Variants in STAG1 observed in about 807,000 individuals in gnomAD.
STAG1 encodes the protein STAG1 cohesin complex component.
In STAG1, 26 loss-of-function variants were observed where a neutral mutation model predicts 170.9. That is an observed-to-expected ratio of 0.15 (90% CI 0.11 to 0.21). STAG1 has a LOEUF of 0.21. Ranked by LOEUF, STAG1 falls within the 10% of genes least tolerant of loss-of-function variation. The pLI is 1.00. For missense variants in STAG1, 964 were observed against 1,509.5 expected, an observed-to-expected ratio of 0.64 and a Z score of 5.99; for synonymous variants, 514 against 497.7, an observed-to-expected ratio of 1.03 and a Z score of -0.44.
intron 1 of STAG1, among the ~76,000 whole-genome samples, chr3:136,699,907 A>G (rs1159331606): frequency 2.0e-5 from 3 of 152,122 alleles, no homozygotes; most frequent in Non-Finnish European, 2.9e-5. Context: ...AGAAATTAAG[A>G]GCAAGCAGGT....
At chr3:136,697,531 T>C (rs1942935046) in intron 1 of STAG1, among the ~76,000 whole-genome samples, 1 of 152,236 alleles carries the variant, frequency 6.6e-6, no homozygotes, top group Non-Finnish European at 1.5e-5. Context: ...TAGATGATTC[T>C]AATGTGTGGT....
chr3:136,652,776 G>A (rs1286089548), intron 1 of STAG1, among the ~76,000 whole-genome samples: 1 of 152,084 alleles, frequency 6.6e-6, no homozygotes, highest in Non-Finnish European at 1.5e-5. Context: ...ATTCAAAATG[G>A]CAACAAAAAC....
At chr3:136,659,503 T>C (rs1009513320) in intron 1 of STAG1, among the ~76,000 whole-genome samples, 14 of 152,216 alleles carry the variant, frequency 9.2e-5, no homozygotes, top group African/African-American at 1.4e-4. Flanking sequence ...ATACGTGTTA[T>C]GCATTTTAAA....
At chr3:136,566,090 G>A (rs1937066510) in intron 5 of STAG1, among the ~76,000 whole-genome samples, 1 of 152,118 alleles carries the variant, frequency 6.6e-6, no homozygotes, top group Non-Finnish European at 1.5e-5. Context: ...TTAAAGTTTT[G>A]AGAAAAGAGA....
chr3:136,671,312 C>A lies in STAG1; in HGVS notation c.-83-40331G>T, dbSNP rs114727498. Reference sequence around the variant, plus strand: ...AATAAAAAGAAAGCACACACACACACAAAAAATCATACGTGCCATATAGCT... The same window carrying A: ...AATAAAAAGAAAGCACACACACACAAAAAAAATCATACGTGCCATATAGCT... On this transcript the variant is annotated intron_variant, in intron 1 of 33. Transcript: ENST00000383202. Among the ~76,000 whole-genome samples, 677 of 151,952 alleles carry A rather than the reference C, an allele frequency of 4.5e-3. 7 individuals carry two copies. The highest frequency in any genetic ancestry group is 0.013 in the African/African-American group (544 of 41,468).
At chr3:136,508,873 T>C (rs916534954) in intron 7 of STAG1, among the ~76,000 whole-genome samples, 1 of 152,150 alleles carries the variant, frequency 6.6e-6, no homozygotes, top group Non-Finnish European at 1.5e-5. Flanking sequence ...TGTGTGTCTG[T>C]GTGCGCGCGT....
chr3:136,743,726 A>G (rs1205141528), intron 1 of STAG1, among the ~76,000 whole-genome samples: 1 of 152,210 alleles, frequency 6.6e-6, no homozygotes, highest in Non-Finnish European at 1.5e-5. Flanking sequence ...ACACGTCCCA[A>G]CCTTTTTTAT....
intron 3 of STAG1, among the ~76,000 whole-genome samples, chr3:136,617,066 A>C (rs568042473): frequency 6.6e-6 from 1 of 152,332 alleles, no homozygotes; most frequent in African/African-American, 2.4e-5. Flanking sequence ...AAAAAAAACA[A>C]TGGCTATACA....
At chr3:136,434,080 G>T (rs1277857205) in intron 15 of STAG1, among the ~76,000 whole-genome samples, 1 of 151,836 alleles carries the variant, frequency 6.6e-6, no homozygotes, top group Non-Finnish European at 1.5e-5. Flanking sequence ...ACTATCTAAC[G>T]TATGTACCAT....
At chr3:136,607,893 T>C (rs1184298797) in intron 3 of STAG1, among the ~76,000 whole-genome samples, 1 of 152,200 alleles carries the variant, frequency 6.6e-6, no homozygotes, top group East Asian at 1.9e-4. Flanking sequence ...TTGCCCCAGT[T>C]CTAGAATCAA....
At chr3:136,519,045 G>A (rs184821567) in intron 7 of STAG1, among the ~76,000 whole-genome samples, 1 of 152,000 alleles carries the variant, frequency 6.6e-6, no homozygotes, top group Admixed American at 6.6e-5. Context: ...CTAAAAATGA[G>A]CAAATGAAAA....
At position 136,514,209 on chromosome 3, in the gene STAG1, CA is replaced by C. The variant is rs1318443987; in HGVS notation, c.676+7003del. ...TCAAGTTCTGTGCCCTCTTTACAAC[CA>C]AACCAAGTAAGCTTAGCTGTTCTCT... On this transcript the variant is annotated intron_variant, in intron 7 of 33. Coordinates refer to ENST00000383202, the MANE Select transcript of STAG1 (RefSeq NM_005862.3). Among the ~76,000 whole-genome samples the C allele has an allele frequency of 2.6e-5, 4 of 152,212 alleles. No individual in the cohort carries two copies. The East Asian group carries it at 7.7e-4, about 29-fold the overall frequency.
At chr3:136,572,457 G>C (rs1468464639) in intron 4 of STAG1, among the ~76,000 whole-genome samples, 1 of 151,846 alleles carries the variant, frequency 6.6e-6, no homozygotes, top group Admixed American at 6.6e-5. Context: ...GTCAGGTGTG[G>C]TGGTGCACAC....
chr3:136,608,770 C>T (rs115259282), intron 3 of STAG1, among the ~76,000 whole-genome samples: 292 of 142,436 alleles, frequency 2.1e-3, no homozygotes, highest in Non-Finnish European at 3.6e-3. Context: ...TAGCACTGTA[C>T]TCCTGAATGA....
intron 1 of STAG1, among the ~76,000 whole-genome samples, chr3:136,689,311 G>C (rs1208999592): frequency 6.6e-6 from 1 of 152,154 alleles, no homozygotes; most frequent in Non-Finnish European, 1.5e-5. Flanking sequence ...ACAATCTCCA[G>C]GAAGAATGTG....
intron 9 of STAG1, among the ~76,000 whole-genome samples, chr3:136,489,847 G>C (rs2090088720): frequency 6.6e-6 from 1 of 152,130 alleles, no homozygotes; most frequent in Admixed American, 6.6e-5. Context: ...CTGAAAGTTA[G>C]TAAAGAGTGT....
chr3:136,633,754 A>G (rs1940431749), intron 1 of STAG1, among the ~76,000 whole-genome samples: 1 of 146,528 alleles, frequency 6.8e-6, no homozygotes, highest in South Asian at 2.3e-4. Context: ...AGGCCGAGGC[A>G]AGAGGATCAC....
intron 1 of STAG1, among the ~76,000 whole-genome samples, chr3:136,705,791 G>C (rs540920830): frequency 4.1e-4 from 63 of 152,200 alleles, no homozygotes; most frequent in Admixed American, 4.1e-3. Context: ...CCCAGTCTCA[G>C]GTTTGTCTTT....
chr3:136,391,102 T>C (rs1343633018), intron 22 of STAG1, among the ~76,000 whole-genome samples: 2 of 152,216 alleles, frequency 1.3e-5, no homozygotes, highest in African/African-American at 2.4e-5. Context: ...AATACCTCAA[T>C]AATAATTGGA....
Sources: gnomAD v4.1 joint callset for allele counts (sites outside exome capture counted in the v4.1 genomes callset) on GRCh38, gnomAD v4.1.1 for gene constraint, MANE v1.5 for transcripts, NCBI Gene and HGNC (gene_info 2026-07-23, HGNC 2026-07-21) for gene names.